The following PTGER3 variants were observed in gnomAD, a reference collection of about 807,000 sequenced individuals.
PTGER3 encodes the protein prostaglandin E2 receptor EP3 subtype.
A neutral mutation model predicts 34.7 loss-of-function variants in PTGER3; 22 were observed. That is an observed-to-expected ratio of 0.63 (90% CI 0.45 to 0.91). PTGER3 has a LOEUF of 0.91. PTGER3 is among the 40% of genes least tolerant of loss of function. The pLI is 0.00. For missense variants in PTGER3, 468 were observed against 519.4 expected, an observed-to-expected ratio of 0.90 and a Z score of 0.96; for synonymous variants, 241 against 230.1, an observed-to-expected ratio of 1.05 and a Z score of -0.43.
intron 2 of PTGER3, chr1:71,010,344 T>C: frequency 1.0e-6 from 1 of 985,056 alleles, no homozygotes; most frequent in Non-Finnish European, 1.2e-6. Context: ...TGATGGACTG[T>C]AATGGCATGA....
intron 2 of PTGER3, among the ~76,000 whole-genome samples, chr1:70,956,227 G>A (rs1318218162): frequency 6.6e-6 from 1 of 152,064 alleles, no homozygotes; most frequent in African/African-American, 2.4e-5. Flanking sequence ...TTTATAATTA[G>A]CCTTTTGGGG....
intron 2 of PTGER3, chr1:71,008,173 AGT>A (rs1657131777): frequency 1.0e-6 from 1 of 955,896 alleles, no homozygotes; most frequent in Non-Finnish European, 1.2e-6. Context: ...AGGAGAAAAC[AGT>A]GTAGTTTCAA....
chr1:70,918,458 G>A (rs974611801), intron 4 of PTGER3, among the ~76,000 whole-genome samples: 5 of 151,918 alleles, frequency 3.3e-5, no homozygotes, highest in Non-Finnish European at 5.9e-5. Flanking sequence ...TCAATAAAGT[G>A]GAGACTACCT....
At chr1:70,966,461 T>G (rs1363134262), downstream of PTGER3, among the ~76,000 whole-genome samples, 2 of 152,078 alleles carry the variant, frequency 1.3e-5, no homozygotes, top group Non-Finnish European at 2.9e-5. Flanking sequence ...ATTTATCTAG[T>G]TTTTCATTGT....
downstream of PTGER3, chr1:70,970,761 CTA>C (rs1652998316): frequency 1.7e-6 from 1 of 599,650 alleles, no homozygotes; most frequent in South Asian, 7.4e-5. Flanking sequence ...CCGTTGAAAA[CTA>C]TTAGATGACT....
At chr1:71,030,918 CTAA>C (rs1284661391) in intron 1 of PTGER3, among the ~76,000 whole-genome samples, 4 of 151,660 alleles carry the variant, frequency 2.6e-5, no homozygotes, top group Non-Finnish European at 4.4e-5. Context: ...TTTTTATAAA[CTAA>C]TAAGAGAGAA....
intron 4 of PTGER3, among the ~76,000 whole-genome samples, chr1:70,891,151 C>T (rs1168510046): frequency 6.6e-6 from 1 of 152,200 alleles, no homozygotes; most frequent in African/African-American, 2.4e-5. Flanking sequence ...ATAAAACTCA[C>T]CCCATTCTGT....
chr1:70,954,427 G>A (rs2100598004), intron 2 of PTGER3, among the ~76,000 whole-genome samples: 1 of 152,150 alleles, frequency 6.6e-6, no homozygotes, highest in South Asian at 2.1e-4. Flanking sequence ...TCAGGAGTGG[G>A]GACTGGCAGT....
intron 4 of PTGER3, among the ~76,000 whole-genome samples, chr1:70,935,615 G>T (rs910285636): frequency 2.0e-5 from 3 of 149,840 alleles, no homozygotes; most frequent in Non-Finnish European, 4.4e-5. Context: ...AAATAATTGG[G>T]ATACTTTGAA....
At chr1:70,905,201 C>A (rs1003912745) in intron 4 of PTGER3, among the ~76,000 whole-genome samples, 10 of 152,128 alleles carry the variant, frequency 6.6e-5, no homozygotes, top group African/African-American at 1.4e-4. Flanking sequence ...TATGGAAACA[C>A]CTGGATGCCC....
intron 1 of PTGER3, among the ~76,000 whole-genome samples, chr1:71,034,269 A>G (rs898761208): frequency 4.6e-5 from 7 of 152,132 alleles, no homozygotes; most frequent in Non-Finnish European, 1.5e-5. Context: ...TTAATCTAAC[A>G]TTTTTATCGC....
intron 2 of PTGER3, among the ~76,000 whole-genome samples, chr1:71,002,592 G>T (rs549360383): frequency 6.6e-6 from 1 of 152,278 alleles, no homozygotes; most frequent in African/African-American, 2.4e-5. Context: ...TAGTCACAGG[G>T]ATATTCAAAA....
At chr1:70,928,749 A>G (rs565367888) in intron 4 of PTGER3, among the ~76,000 whole-genome samples, 1 of 152,162 alleles carries the variant, frequency 6.6e-6, no homozygotes, top group South Asian at 2.1e-4. Context: ...GTATTGTTTG[A>G]CTTGCTACAA....
At chr1:71,038,016 T>A (rs1368931919) in intron 1 of PTGER3, among the ~76,000 whole-genome samples, 1 of 152,240 alleles carries the variant, frequency 6.6e-6, no homozygotes, top group African/African-American at 2.4e-5. Context: ...AGCAAGATGT[T>A]ACCAGTGAAA....
chr1:70,911,619 A>T (rs980369967), intron 4 of PTGER3, among the ~76,000 whole-genome samples: 1 of 152,188 alleles, frequency 6.6e-6, no homozygotes, highest in Admixed American at 6.5e-5. Flanking sequence ...GTAGGATGGC[A>T]GAAAGTGACG....
At chr1:70,911,061 CAG>C (rs1368974114) in intron 4 of PTGER3, among the ~76,000 whole-genome samples, 1 of 148,186 alleles carries the variant, frequency 6.7e-6, no homozygotes, top group Admixed American at 6.8e-5. Context: ...GCCTGGGCGA[CAG>C]AGCGAGACTC....
chr1:70,987,999 C>T (rs1176950996), intron 2 of PTGER3, among the ~76,000 whole-genome samples: 3 of 152,072 alleles, frequency 2.0e-5, no homozygotes, highest in Non-Finnish European at 2.9e-5. Context: ...GGTTATGAAG[C>T]GTCTAAATTC....
chr1:71,033,188 T>G (rs1659552810), intron 1 of PTGER3, among the ~76,000 whole-genome samples: 1 of 152,174 alleles, frequency 6.6e-6, no homozygotes, highest in African/African-American at 2.4e-5. Flanking sequence ...ACCAAAGGCC[T>G]GGAGAGGAAG....
intron 2 of PTGER3, chr1:70,997,161 A>G (rs958083348): frequency 6.6e-6 from 1 of 152,250 alleles, no homozygotes; most frequent in Admixed American, 6.5e-5. Context: ...AATCCCAGCT[A>G]CTTGGGAGGC....
Sources: gnomAD v4.1 joint callset for allele counts (sites outside exome capture counted in the v4.1 genomes callset) on GRCh38, gnomAD v4.1.1 for gene constraint, MANE v1.5 for transcripts, NCBI Gene and HGNC (gene_info 2026-07-23, HGNC 2026-07-21) for gene names.